VRK2: variants seen among roughly 807,000 people sequenced by gnomAD.
VRK2 encodes VRK serine/threonine kinase 2.
Under a neutral mutation model 57.6 loss-of-function variants are expected in VRK2, and 60 were observed. That is an observed-to-expected ratio of 1.04 (90% CI 0.85 to 1.29). The LOEUF (loss-of-function observed/expected upper bound fraction) is 1.29. VRK2 is among the 50% of genes most tolerant of loss of function. The pLI is 0.00. For synonymous variants in VRK2, 231 were observed against 199.2 expected (o/e 1.16, Z -1.35); for missense variants, 705 against 588.1 (o/e 1.20, Z -2.06).
intron 1 of VRK2, among the ~76,000 whole-genome samples, chr2:57,927,184 T>A (rs1206095785): frequency 6.6e-6 from 1 of 152,068 alleles, no homozygotes; most frequent in African/African-American, 2.4e-5. Context: ...ATCCCCACTT[T>A]TGAACTTTTT....
chr2:58,036,214 G>T (rs1443060671), intron 3 of VRK2, among the ~76,000 whole-genome samples: 1 of 151,838 alleles, frequency 6.6e-6, no homozygotes, highest in Non-Finnish European at 1.5e-5. Flanking sequence ...TAGAATAGAA[G>T]CAGTATTGTA....
chr2:58,128,929 T>C (rs1678769806), intron 8 of VRK2, among the ~76,000 whole-genome samples: 1 of 152,180 alleles, frequency 6.6e-6, no homozygotes, highest in African/African-American at 2.4e-5. Flanking sequence ...TTCTTTCTAG[T>C]TAAATAGAAT....
At chr2:57,928,681 G>C (rs1670621069) in intron 1 of VRK2, among the ~76,000 whole-genome samples, 1 of 151,992 alleles carries the variant, frequency 6.6e-6, no homozygotes, top group South Asian at 2.1e-4. Context: ...TCCTTCTTTG[G>C]AAGGCTTTCT....
chr2:58,028,903 A>ATATATATATATAT (rs1553378205), intron 2 of VRK2, among the ~76,000 whole-genome samples: 14 of 54,002 alleles, frequency 2.6e-4, no homozygotes, highest in African/African-American at 4.9e-4. Flanking sequence ...TAAATAAATA[A>ATATATATATATAT]ATATATATAT....
chr2:57,910,419 C>T (rs1046174943), intron 1 of VRK2, among the ~76,000 whole-genome samples: 1 of 152,164 alleles, frequency 6.6e-6, no homozygotes, highest in African/African-American at 2.4e-5. Context: ...ATGTGTGACA[C>T]TTTCATACCC....
At chr2:58,065,966 A>G (rs773105972) in intron 2 of VRK2, among the ~76,000 whole-genome samples, 18 of 152,042 alleles carry the variant, frequency 1.2e-4, no homozygotes, top group Non-Finnish European at 2.4e-4. Context: ...CTTACATGCT[A>G]TGAATTTGGT....
chr2:57,997,064 C>A (rs906210046), intron 1 of VRK2, among the ~76,000 whole-genome samples: 2 of 151,994 alleles, frequency 1.3e-5, no homozygotes, highest in South Asian at 2.1e-4. Flanking sequence ...AAAACAAAAA[C>A]CAGACAAGAA....
At chr2:58,012,773 A>G (rs762676543) in intron 1 of VRK2, among the ~76,000 whole-genome samples, 23 of 152,236 alleles carry the variant, frequency 1.5e-4, no homozygotes, top group Admixed American at 3.9e-4. Context: ...AAAAAGGACA[A>G]AGACCAAATC....
chr2:57,929,783 C>G (rs1670660016), intron 1 of VRK2, among the ~76,000 whole-genome samples: 1 of 152,008 alleles, frequency 6.6e-6, no homozygotes, highest in Non-Finnish European at 1.5e-5. Flanking sequence ...GGTGACGAAT[C>G]CTTCTAGAAT....
At chr2:58,070,944 T>A (rs1669281525) in intron 2 of VRK2, among the ~76,000 whole-genome samples, 1 of 152,174 alleles carries the variant, frequency 6.6e-6, no homozygotes, top group Non-Finnish European at 1.5e-5. Flanking sequence ...GAATGAGAAT[T>A]CCTGTTGTGC....
chr2:58,021,893 C>T lies in VRK2; in HGVS notation c.-438-3772C>T, dbSNP rs368749845. 2.0e-4 allele frequency among the ~76,000 whole-genome samples: 31 copies of T among 152,318 alleles called. No homozygotes were observed. The South Asian group carries it at 6.4e-3, about 32-fold the overall frequency. On this transcript the variant is annotated intron_variant, in intron 1 of 15. Coordinates refer to the VRK2 transcript ENST00000417641. ...TGTCCCTGACTTTTAAACACTGTTT[C>T]TTCCTTTTGTCTCAACCATCAAAAG... is the stretch of plus-strand genomic sequence containing the variant.
intron 2 of VRK2, among the ~76,000 whole-genome samples, chr2:58,027,377 A>G (rs1346896242): frequency 6.6e-6 from 1 of 152,200 alleles, no homozygotes; most frequent in African/African-American, 2.4e-5. Context: ...TGGTAAGAAG[A>G]CTTCTATGGA....
chr2:58,071,682 C>T (rs1405645154), intron 2 of VRK2, among the ~76,000 whole-genome samples: 1 of 151,868 alleles, frequency 6.6e-6, no homozygotes, highest in Non-Finnish European at 1.5e-5. Flanking sequence ...ACCACATTTT[C>T]TTAATTATTG....
intron 12 of VRK2, among the ~76,000 whole-genome samples, chr2:58,152,015 TCCTG>T (rs1287470445): frequency 2.6e-5 from 4 of 151,606 alleles, no homozygotes; most frequent in African/African-American, 4.8e-5. Flanking sequence ...CTCAGCACAA[TCCTG>T]CCTAACAGAA....
intron 2 of VRK2, among the ~76,000 whole-genome samples, chr2:58,028,004 G>A (rs1362697764): frequency 2.0e-5 from 3 of 152,194 alleles, no homozygotes; most frequent in Non-Finnish European, 4.4e-5. Flanking sequence ...CACAGCCTAG[G>A]CTTTCAAGTG....
intron 2 of VRK2, among the ~76,000 whole-genome samples, chr2:58,064,204 A>G (rs1668301508): frequency 6.6e-6 from 1 of 152,166 alleles, no homozygotes; most frequent in African/African-American, 2.4e-5. Context: ...AAGCAGTAGC[A>G]TGGTTTGAGA....
At chr2:57,907,642 T>C (rs1303382962), upstream of VRK2, 1 of 152,194 alleles carries the variant, frequency 6.6e-6, no homozygotes, top group Non-Finnish European at 1.5e-5. Context: ...CTAAACTCCC[T>C]CCAACCCTGG....
At chr2:58,013,130 A>T (rs561877955) in intron 1 of VRK2, among the ~76,000 whole-genome samples, 6 of 152,220 alleles carry the variant, frequency 3.9e-5, no homozygotes, top group Non-Finnish European at 7.4e-5. Flanking sequence ...AGCAGCAAAA[A>T]ACAAAAATCT....
At chr2:58,000,176 G>C (rs967757918) in intron 1 of VRK2, among the ~76,000 whole-genome samples, 2 of 152,094 alleles carry the variant, frequency 1.3e-5, no homozygotes, top group African/African-American at 2.4e-5. Flanking sequence ...AGAAGGCAGA[G>C]ACATAAAATA....
Sources: allele counts gnomAD v4.1 joint callset (sites outside exome capture counted in the v4.1 genomes callset), GRCh38; gene constraint gnomAD v4.1.1; transcripts MANE v1.5; gene names NCBI Gene and HGNC (gene_info 2026-07-23, HGNC 2026-07-21).